Variants in RECQL5 observed in about 807,000 individuals in gnomAD.
RECQL5 encodes the protein RecQ like helicase 5.
Under a neutral mutation model 103.4 loss-of-function variants are expected in RECQL5, and 88 were observed. The ratio of observed to expected loss-of-function variants is 0.85; its 90% CI spans 0.72 to 1.02. The LOEUF is 1.02. RECQL5 is among the 50% of genes least tolerant of loss of function. RECQL5 has a pLI of 0.00. For synonymous variants in RECQL5, 552 were observed against 507.9 expected (o/e 1.09, Z -1.17); for missense variants, 1,232 against 1,284.3 (o/e 0.96, Z 0.62).
intron 8 of RECQL5, among the ~76,000 whole-genome samples, chr17:75,643,341 G>A (rs899618646): frequency 6.6e-6 from 1 of 152,250 alleles, no homozygotes; most frequent in African/African-American, 2.4e-5. Context: ...CTGCGGAGAG[G>A]TGGGAACCAC....
At chr17:75,658,215 C>A in intron 7 of RECQL5, 83 bp downstream of exon 7, 6 of 1,469,734 alleles carry the variant, frequency 4.1e-6, no homozygotes, top group Non-Finnish European at 5.6e-6. Flanking sequence ...CTTACACAAG[C>A]ATCATCAGAG....
intron 18 of RECQL5, 132 bp from the exon 19 acceptor site, chr17:75,627,824 C>T (rs1177436704): frequency 5.4e-6 from 4 of 745,862 alleles, no homozygotes; most frequent in Non-Finnish European, 8.8e-6. Context: ...TCGAGACCAT[C>T]CTGGCTAACA....
intron 4 of RECQL5, 108 bp from the exon 5 acceptor site, chr17:75,661,816 C>T: frequency 1.3e-6 from 1 of 747,840 alleles, no homozygotes; most frequent in Non-Finnish European, 2.2e-6. Context: ...CTCTCGTCGG[C>T]TTCAGTCTCT....
rs923655347 is a variant in RECQL5 at position 75,636,982 on chromosome 17, C to T, written c.1230-5314G>A. 1.3e-5 allele frequency: 2 copies of T among 152,204 alleles called. No individual in the cohort carries two copies. The highest frequency in any genetic ancestry group is 4.8e-5 in the African/African-American group (2 of 41,432). 9.4% of individuals were successfully genotyped at this position (152,204 alleles called of 1,614,324 possible). ...CTATGACACTGTCCACAGCCGCAGCCTGCTGCTGCTGGGAACTGACACTTT... is the reference window on the plus strand; with the variant it reads ...CTATGACACTGTCCACAGCCGCAGCTTGCTGCTGCTGGGAACTGACACTTT... On this transcript the variant is annotated intron_variant, in intron 8 of 19. Coordinates refer to ENST00000317905, the MANE Select transcript of RECQL5 (RefSeq NM_004259.7). This position sits in a 1 kb window ranked among gnomAD's most constrained non-coding sequence, Gnocchi z 5.4.
At position 75,651,213 on chromosome 17, in the gene RECQL5, G is replaced by A; in HGVS notation, c.1202C>T (p.Ala401Val). 3 of 1,614,190 alleles carry A rather than the reference G, an allele frequency of 1.9e-6. No individual in the cohort carries two copies. The South Asian group carries it at 3.3e-5, about 18-fold the overall frequency. ...SDKATIMAFD[A>V]LVTFCEELGC... The stretch of plus-strand genomic sequence containing the variant: ...CAGTTCTTCACAGAAGGTCACCAGG[G>A]CATCAAAGGCCATGATAGTGGCTTT... Residue 401 changes from alanine (A) to valine (V), a missense_variant, in exon 8 of 20, where the codon GCC becomes GTC. By Grantham distance (64) the Ala-to-Val change is moderately conservative. Coordinates refer to ENST00000317905, the MANE Select transcript of RECQL5 (RefSeq NM_004259.7).
At chr17:75,658,707 C>G (rs1416196272) in intron 6 of RECQL5, among the ~76,000 whole-genome samples, 1 of 152,180 alleles carries the variant, frequency 6.6e-6, no homozygotes, top group Non-Finnish European at 1.5e-5. Flanking sequence ...CCAAAAAACT[C>G]AGCCAGGGCC....
intron 8 of RECQL5, chr17:75,633,924 G>A (rs1028508278): frequency 5.9e-5 from 58 of 986,646 alleles, no homozygotes; most frequent in African/African-American, 1.0e-4. Flanking sequence ...CCTGAGCAGC[G>A]CTCTCAGGGC....
chr17:75,630,256 G>T lies in RECQL5; in HGVS notation c.1740C>A (p.Ala580=), dbSNP rs748275928. The change falls in exon 14 of 20, where the codon GCC becomes GCA. Residue 580 remains alanine (A), a synonymous_variant. Coordinates refer to ENST00000317905, the MANE Select transcript of RECQL5 (RefSeq NM_004259.7). ...TADEADLRAK[A]VELEHETFRN... Reference sequence around the variant, plus strand: ...GGAATGTCTCATGTTCCAGCTCCACGGCCTTGGCCCGGAGGTCAGCTCTGT... The same window carrying T: ...GGAATGTCTCATGTTCCAGCTCCACTGCCTTGGCCCGGAGGTCAGCTCTGT... 2 of 1,561,124 alleles carry T rather than the reference G, an allele frequency of 1.3e-6. No individual in the cohort carries two copies. The highest frequency in any genetic ancestry group is 1.9e-5 in the Admixed American group (1 of 52,064).
rs1214964775 is a variant in RECQL5, at chr17:75,631,225, G to A, written c.1473C>T (p.Ser491=). 3 of 1,613,726 alleles carry A rather than the reference G, an allele frequency of 1.9e-6. No individual in the cohort carries two copies. Among genetic ancestry groups the A allele is most frequent in the Non-Finnish European group, 2.5e-6 (3 of 1,180,006 alleles). The part of the protein sequence containing the change: ...FSRYDEGSGG[S]GDEGRDEAHK... ...GGGCCTCATCTCTGCCTTCATCCCCGCTGCCTCCAGAACCTTCGTCATACC... is the reference window on the plus strand; with the variant it reads ...GGGCCTCATCTCTGCCTTCATCCCCACTGCCTCCAGAACCTTCGTCATACC... Residue 491 remains serine (S), a synonymous_variant, in exon 10 of 20, where the codon AGC becomes AGT. Transcript: ENST00000317905.
Position 75,630,680 on chromosome 17 carries a change from A to G in RECQL5, c.1657T>C (p.Cys553Arg). 1 of 1,613,660 alleles carries G rather than the reference A, an allele frequency of 6.2e-7. No homozygotes were observed. Among genetic ancestry groups the G allele is most frequent in the Non-Finnish European group, 8.5e-7 (1 of 1,179,996 alleles). Residue 553 changes from cysteine (C) to arginine (R), a missense_variant, in exon 13 of 20, where the codon TGC (cysteine) becomes CGC (arginine). By Grantham distance (180) the Cys-to-Arg change is radical. Coordinates refer to ENST00000317905, the MANE Select transcript of RECQL5 (RefSeq NM_004259.7). Reference sequence around the variant, plus strand: ...AGCGCCTCCTCCAGAAGCCGCAGGCAGTGCTCCCGTGCCTGGCACAGGACA... The same window carrying G: ...AGCGCCTCCTCCAGAAGCCGCAGGCGGTGCTCCCGTGCCTGGCACAGGACA... ...PRLTVKAREHCLRLLEEALSS... is the reference protein window; with the variant it reads ...PRLTVKAREHRLRLLEEALSS...
intron 8 of RECQL5, among the ~76,000 whole-genome samples, chr17:75,645,063 G>A (rs2059474161): frequency 6.6e-6 from 1 of 152,114 alleles, no homozygotes; most frequent in East Asian, 1.9e-4. Context: ...GGTTGAGTGT[G>A]GGCTTGCCAA....
intron 8 of RECQL5, chr17:75,635,826 G>A (rs975895612): frequency 3.2e-5 from 32 of 985,322 alleles, no homozygotes; most frequent in African/African-American, 1.9e-4. Context: ...TCTCAAACAC[G>A]CCGCCTGCTG....
chr17:75,635,447 T>C (rs1273488352), intron 8 of RECQL5, among the ~76,000 whole-genome samples: 1 of 152,222 alleles, frequency 6.6e-6, no homozygotes, highest in African/African-American at 2.4e-5. Flanking sequence ...AGCCAGCTTC[T>C]GTAGCTGCAG....
chr17:75,650,458 TGGCC>T, intron 8 of RECQL5: 1 of 1,345,918 alleles, frequency 7.4e-7, no homozygotes, highest in Non-Finnish European at 9.6e-7. Flanking sequence ...GGGTGTTTAG[TGGCC>T]TCAGTCTACC....
chr17:75,650,638 A>T lies in RECQL5; in HGVS notation c.1229+548T>A, dbSNP rs150866036. 247 of 1,613,536 alleles carry T rather than the reference A, an allele frequency of 1.5e-4. 2 individuals are homozygous for T. The African/African-American group carries it at 2.8e-3, about 18-fold the overall frequency. On this transcript the variant is annotated intron_variant, in intron 8 of 19. Coordinates refer to ENST00000317905, the MANE Select transcript of RECQL5 (RefSeq NM_004259.7). ...CCTCCTGGGTGTCTCTCCTGCAGGC[A>T]CTCACAGCTCCGCATGCCTGGACAC...
chr17:75,641,989 G>A (rs1300960372), intron 8 of RECQL5, among the ~76,000 whole-genome samples: 2 of 152,148 alleles, frequency 1.3e-5, no homozygotes, highest in African/African-American at 4.8e-5. Flanking sequence ...CTAGCACTCA[G>A]CTCGGTGCTG....
rs1260105791 is a variant in RECQL5 at position 75,656,767 on chromosome 17, CAG to C, written c.1149+1529_1149+1530del. ...GTCTTTTTTTTTTTTTTTTTTGAGA[CAG>C]AGTCTCACTCTGTCCCCCAGGCTGG... On this transcript the variant is annotated intron_variant, in intron 7 of 19. Coordinates refer to ENST00000317905, the MANE Select transcript of RECQL5 (RefSeq NM_004259.7). Among the ~76,000 whole-genome samples the C allele has an allele frequency of 2.4e-5, 3 of 124,876 alleles. No homozygotes were observed. The Admixed American group carries it at 2.8e-4, about 12-fold the overall frequency. The allele number at this position is 124,876 out of a possible 152,430, so 81.9% of individuals were successfully genotyped here. A position where few individuals can be genotyped will look rare whatever the true frequency, so the allele number is the denominator to read the frequency against.
At chr17:75,649,820 A>AT (rs1434496743) in intron 8 of RECQL5, 1 of 985,364 alleles carries the variant, frequency 1.0e-6, no homozygotes, top group African/African-American at 1.7e-5. Flanking sequence ...CAACACCGTC[A>AT]CCTGGACTCC....
intron 2 of RECQL5, 140 bp downstream of exon 2, chr17:75,666,288 G>A (rs374187823): frequency 7.0e-6 from 7 of 1,001,072 alleles, no homozygotes; most frequent in African/African-American, 3.3e-5. Flanking sequence ...GAAACTACAA[G>A]CTTTGACAAC....
Sources: allele counts gnomAD v4.1 joint callset (sites outside exome capture counted in the v4.1 genomes callset), GRCh38; gene constraint gnomAD v4.1.1; non-coding constraint Gnocchi (gnomAD v3.1); transcripts MANE v1.5; gene names NCBI Gene and HGNC (gene_info 2026-07-23, HGNC 2026-07-21).